The following SLC6A3 variants were observed in gnomAD, a reference collection of about 807,000 sequenced individuals.
SLC6A3 encodes sodium-dependent dopamine transporter.
A neutral mutation model predicts 70.4 loss-of-function variants in SLC6A3; 19 were observed. That is an observed-to-expected ratio of 0.27 (90% CI 0.19 to 0.40). The LOEUF (loss-of-function observed/expected upper bound fraction) is 0.40. Among genes scored for constraint, SLC6A3 ranks in the 10% least tolerant of loss-of-function variants. The probability of loss-of-function intolerance (pLI) is 1.00; values close to 1 mark genes in which losing one functional copy is unlikely to be tolerated. For missense variants in SLC6A3, 613 were observed against 838.5 expected (o/e 0.73, Z 3.32); for synonymous variants, 368 against 356.6 (o/e 1.03, Z -0.36).
In SLC6A3 at chr5:1,442,474, G is replaced by T. The variant is rs1733697342; in HGVS notation, c.286+438C>A. Among the ~76,000 whole-genome samples the T allele has an allele frequency of 6.6e-6, 1 of 152,222 alleles. No homozygotes were observed. Among genetic ancestry groups the T allele is most frequent in the South Asian group, 2.1e-4 (1 of 4,834 alleles). ...CTGTGGCTGGGTTCTGGAGGGTGCA[G>T]GGGACACAGTCACTTTCCAGGGGCC... On this transcript the variant is annotated intron_variant, in intron 2 of 14. Transcript: ENST00000270349. This position sits in a 1 kb window ranked among gnomAD's most constrained non-coding sequence, Gnocchi z 5.0.
Position 1,413,945 on chromosome 5 carries a change from G to A in SLC6A3, c.1156+746C>T, listed in dbSNP as rs567939884. Among the ~76,000 whole-genome samples, 33 of 152,246 alleles carry A rather than the reference G, an allele frequency of 2.2e-4. No individual in the cohort carries two copies. In the South Asian group the frequency reaches 6.7e-3, roughly 31 times the overall value. On this transcript the variant is annotated intron_variant, in intron 8 of 14. Coordinates refer to ENST00000270349, the MANE Select transcript of SLC6A3 (RefSeq NM_001044.5). The surrounding 1 kb of genome is among the most constrained non-coding windows in gnomAD (Gnocchi z 7.1). ...TGGCACACTTCTTGCTGTGGCCAAG[G>A]CCTCCCCCCACCACTCACCTGTGCC...
chr5:1,410,924 G>A (rs999104572), intron 9 of SLC6A3, among the ~76,000 whole-genome samples: 5 of 151,760 alleles, frequency 3.3e-5, no homozygotes, highest in South Asian at 2.1e-4. Flanking sequence ...GTGTGTGTTC[G>A]TGTATGTGTG....
Position 1,402,878 on chromosome 5 carries a change from G to T in SLC6A3, c.1767+44C>A, listed in dbSNP as rs371627349. ...CCATGGACACCCACGGAGCCTTTCT[G>T]GTGGCCTCACACTCGGGTGAAGGCG... On this transcript the variant is annotated intron_variant, in intron 13 of 14. Transcript: ENST00000270349. This position sits in a 1 kb window ranked among gnomAD's most constrained non-coding sequence, Gnocchi z 8.5. 14 of 1,600,074 alleles carry T rather than the reference G, an allele frequency of 8.7e-6. No homozygotes were observed. The highest frequency in any genetic ancestry group is 1.3e-5 in the African/African-American group (1 of 74,546).
At position 1,409,049 on chromosome 5, in the gene SLC6A3, G is replaced by C; in HGVS notation, c.1475C>G (p.Ala492Gly). 1 of 1,612,728 alleles carries C rather than the reference G, an allele frequency of 6.2e-7. No individual in the cohort carries two copies. The highest frequency in any genetic ancestry group is 1.1e-5 in the South Asian group (1 of 90,996). The stretch of plus-strand genomic sequence containing the variant: ...ACCATAGAACCAGGCCACTCCGATG[G>C]CTTCGATGAGCACTCCAAAGAGGAT... ...TSILFGVLIE[A>G]IGVAWFYGVG... The change falls in exon 11 of 15, where the codon GCC (alanine) becomes GGC (glycine). Residue 492 changes from alanine to glycine, a missense_variant. By Grantham distance (60) the Ala-to-Gly change is moderately conservative. Around this residue, in one of 4 missense-constraint regions of SLC6A3, gnomAD observed 348 missense variants for 481.2 expected, o/e 0.72. Coordinates refer to ENST00000270349, the MANE Select transcript of SLC6A3 (RefSeq NM_001044.5).
At chr5:1,418,082 G>A (rs866628304) in intron 6 of SLC6A3, among the ~76,000 whole-genome samples, 4 of 152,212 alleles carry the variant, frequency 2.6e-5, no homozygotes, top group Non-Finnish European at 5.9e-5. Context: ...GAGCCAAGCC[G>A]AGAGTGGCTG....
Position 1,408,584 on chromosome 5 carries a change from G to GGGC in SLC6A3, c.1498+441_1498+442insGCC. ...CAGCTGGGGCAGCACAATGGGCCAG[G>GGGC]AGCTGCACCCCGTTCGAGCGCCGCC... is the stretch of plus-strand genomic sequence containing the variant. On this transcript the variant is annotated intron_variant, in intron 11 of 14. Transcript: ENST00000270349. The surrounding 1 kb of genome is among the most constrained non-coding windows in gnomAD (Gnocchi z 6.4). Among the ~76,000 whole-genome samples the GGGC allele has an allele frequency of 6.6e-6, 1 of 152,320 alleles. No homozygotes were observed. Among genetic ancestry groups the GGGC allele is most frequent in the African/African-American group, 2.4e-5 (1 of 41,568 alleles).
chr5:1,414,857 G>A (rs1336047031), intron 7 of SLC6A3, 42 bp from the exon 8 acceptor site: 2 of 1,611,942 alleles, frequency 1.2e-6, no homozygotes, highest in Non-Finnish European at 1.7e-6. Flanking sequence ...CAGCTGAGCT[G>A]CAGCAGCTGC....
At position 1,402,485 on chromosome 5, in the gene SLC6A3, C is replaced by T. The variant is rs1470435782; in HGVS notation, c.1767+437G>A. Among the ~76,000 whole-genome samples the T allele has an allele frequency of 6.6e-6, 1 of 152,140 alleles. No individual in the cohort carries two copies. Among genetic ancestry groups the T allele is most frequent in the African/African-American group, 2.4e-5 (1 of 41,432 alleles). On this transcript the variant is annotated intron_variant, in intron 13 of 14. Transcript: ENST00000270349. The surrounding 1 kb of genome is among the most constrained non-coding windows in gnomAD (Gnocchi z 8.5). ...TGATTCTACCGCCCTCAGATGGCTT[C>T]TGTGTCCACCACACCACATACCATA...
Position 1,400,993 on chromosome 5 carries a change from G to T in SLC6A3, c.1768-7C>A. 1 of 1,590,056 alleles carries T rather than the reference G, an allele frequency of 6.3e-7. No homozygotes were observed. The highest frequency in any genetic ancestry group is 1.1e-5 in the South Asian group (1 of 88,028). ...CAATGGCGTAGGCCAGTTTCTGAAA[G>T]AGAAAGAGAGTGCAGGGGTCAGTGC... On this transcript the variant is annotated splice_polypyrimidine_tract_variant and splice_region_variant and intron_variant, in intron 13 of 14. Coordinates refer to ENST00000270349, the MANE Select transcript of SLC6A3 (RefSeq NM_001044.5).
rs1048635360 is a variant in SLC6A3 at position 1,401,241 on chromosome 5, G to A, written c.1768-255C>T. The A allele has an allele frequency of 4.4e-6, 3 of 684,336 alleles. No homozygotes were observed. The African/African-American group carries it at 5.3e-5, about 12-fold the overall frequency. The allele number at this position is 684,336 out of a possible 1,614,324, so 42.4% of individuals were successfully genotyped here. On this transcript the variant is annotated intron_variant, in intron 13 of 14. Coordinates refer to ENST00000270349, the MANE Select transcript of SLC6A3 (RefSeq NM_001044.5). The surrounding 1 kb of genome is among the most constrained non-coding windows in gnomAD (Gnocchi z 6.1). ...CGGTCCCCTTAAAGTCTAGCGCAGA[G>A]CAGAACATCAGCATTTGAGCACTCG...
At chr5:1,400,253 T>G (rs10155607) in intron 14 of SLC6A3, among the ~76,000 whole-genome samples, 2,558 of 152,212 alleles carry the variant, frequency 0.017, 77 homozygotes, top group African/African-American at 0.059. Flanking sequence ...TTGGGCACAT[T>G]CCGGGGCCTC....
rs1260025124 is a variant in SLC6A3 at position 1,414,762 on chromosome 5, A to C, written c.1085T>G (p.Phe362Cys). The C allele has an allele frequency of 6.2e-7, 1 of 1,612,946 alleles. No homozygotes were observed. Among genetic ancestry groups the C allele is most frequent in the Admixed American group, 1.7e-5 (1 of 60,004 alleles). ...GTACCCCAGGAAGGAGAAGACGACGAAGCCGGAGGAGAAGCTCGTCAGGGA... is the reference window on the plus strand; with the variant it reads ...GTACCCCAGGAAGGAGAAGACGACGCAGCCGGAGGAGAAGCTCGTCAGGGA... ...INSLTSFSSGFVVFSFLGYMA... is the reference protein window; with the variant it reads ...INSLTSFSSGCVVFSFLGYMA... Residue 362 changes from phenylalanine to cysteine, a missense_variant, in exon 8 of 15, where the codon TTC becomes TGC. Physicochemically the swap from Phe to Cys is radical, Grantham distance 205 (BLOSUM62 -2). Transcript: ENST00000270349.
At position 1,421,926 on chromosome 5, in the gene SLC6A3, T is replaced by C. The variant is rs1365255948; in HGVS notation, c.742A>G (p.Ile248Val). The C allele has an allele frequency of 3.1e-6, 5 of 1,613,150 alleles. No individual in the cohort carries two copies. Residue 248 changes from isoleucine (I) to valine (V), a missense_variant, in exon 5 of 15, where the codon ATC becomes GTC. Ile to Val is a conservative substitution (Grantham distance 29, BLOSUM62 3). This residue lies in a region of SLC6A3 where 153 missense variants were observed against 249.4 expected (regional missense o/e 0.61). Coordinates refer to ENST00000270349, the MANE Select transcript of SLC6A3 (RefSeq NM_001044.5). This position sits in a 1 kb window ranked among gnomAD's most constrained non-coding sequence, Gnocchi z 7.2. ...CAGAGGCTGAAGTAGAGCAGCACGA[T>C]GACCAGCACCAGGCAGGCTGTGAGC... ...WQLTACLVLVIVLLYFSLWKG... is the reference protein window; with the variant it reads ...WQLTACLVLVVVLLYFSLWKG...
intron 3 of SLC6A3, among the ~76,000 whole-genome samples, chr5:1,433,596 C>T (rs1320069981): frequency 6.6e-6 from 1 of 152,072 alleles, no homozygotes; most frequent in Non-Finnish European, 1.5e-5. Context: ...CACAACCATC[C>T]ATCCATCCAC....
At chr5:1,412,239 G>A (rs901745499) in intron 8 of SLC6A3, among the ~76,000 whole-genome samples, 10 of 152,254 alleles carry the variant, frequency 6.6e-5, no homozygotes, top group Non-Finnish European at 7.3e-5. Flanking sequence ...AGTGAAGCTT[G>A]GTAGAGGAGT....
rs28363115 is a variant in SLC6A3, at chr5:1,405,767, C to T, written c.1599+421G>A. 0.14 allele frequency among the ~76,000 whole-genome samples: 22,016 copies of T among 152,278 alleles called. 1,834 individuals are homozygous for T. The highest frequency in any genetic ancestry group is 0.2 in the Non-Finnish European group (13,398 of 68,010). On this transcript the variant is annotated intron_variant, in intron 12 of 14. Transcript: ENST00000270349. This position sits in a 1 kb window ranked among gnomAD's most constrained non-coding sequence, Gnocchi z 5.3. ...GCCAGAGGGAGGCTTGCGTGAGCAA[C>T]GGGACAGGGCCGAGGCCCCTGCTGC...
rs146180782 is a variant in SLC6A3 at position 1,409,259 on chromosome 5, C to T, written c.1399-134G>A. 2.7e-3 allele frequency: 1,994 copies of T among 729,408 alleles called. 6 individuals carry two copies. Among genetic ancestry groups the T allele is most frequent in the Non-Finnish European group, 3.0e-3 (1,206 of 404,248 alleles). 45.2% of individuals were successfully genotyped at this position (729,408 alleles called of 1,614,324 possible). A position where few individuals can be genotyped will look rare whatever the true frequency, so the allele number is the denominator to read the frequency against. The stretch of plus-strand genomic sequence containing the variant: ...GTTTGAGTCCCTAAAATTCAACCCA[C>T]ATGCAGCTTCTTAGGGCCACGTGTA... On this transcript the variant is annotated intron_variant, in intron 10 of 14. Transcript: ENST00000270349.
Position 1,441,396 on chromosome 5 carries a change from C to G in SLC6A3, c.381G>C (p.Gly127=), listed in dbSNP as rs1733660610. The G allele has an allele frequency of 6.2e-7, 1 of 1,614,126 alleles. No individual in the cohort carries two copies. The highest frequency in any genetic ancestry group is 1.3e-5 in the African/African-American group (1 of 74,942). The change falls in exon 3 of 15, where the codon GGG becomes GGC. Residue 127 remains glycine, a synonymous_variant. Coordinates refer to ENST00000270349, the MANE Select transcript of SLC6A3 (RefSeq NM_001044.5). ...ELALGQFNRE[G]AAGVWKICPI... is the part of the protein sequence containing the mutation. The stretch of plus-strand genomic sequence containing the variant: ...GGCAGATCTTCCAGACACCAGCGGC[C>G]CCTTCCCTGTTGAACTGGCCGAGGG...
At chr5:1,399,188 T>A (rs1465170285) in intron 14 of SLC6A3, among the ~76,000 whole-genome samples, 1 of 152,124 alleles carries the variant, frequency 6.6e-6, no homozygotes, top group African/African-American at 2.4e-5. Flanking sequence ...GAGTAAAACA[T>A]CCCCATATAT....
Sources: gnomAD v4.1 joint callset for allele counts (sites outside exome capture counted in the v4.1 genomes callset) on GRCh38, gnomAD v4.1.1 for gene constraint, gnomAD v4.1.1 regional missense constraint, Gnocchi (gnomAD v3.1) non-coding constraint, MANE v1.5 for transcripts, NCBI Gene and HGNC (gene_info 2026-07-23, HGNC 2026-07-21) for gene names.